NEK6: variants seen among roughly 807,000 people sequenced by gnomAD.
The protein encoded by NEK6 is NIMA related kinase 6.
A neutral mutation model predicts 43.5 loss-of-function variants in NEK6; 27 were observed. The observed-to-expected ratio is 0.62, with a 90% CI of 0.46 to 0.86. The LOEUF is 0.86. NEK6 is among the 40% of genes least tolerant of loss of function. NEK6 has a pLI of 0.00. For missense variants in NEK6, 318 were observed against 414.4 expected, an observed-to-expected ratio of 0.77 and a Z score of 2.02; for synonymous variants, 167 against 164.1, an observed-to-expected ratio of 1.02 and a Z score of -0.14.
At chr9:124,317,069 C>T (rs1322104676) in intron 4 of NEK6, among the ~76,000 whole-genome samples, 3 of 152,168 alleles carry the variant, frequency 2.0e-5, no homozygotes, top group Admixed American at 1.3e-4. Context: ...TTGCCCACGC[C>T]GTAGGTCATG....
intron 1 of NEK6, among the ~76,000 whole-genome samples, chr9:124,281,044 G>A (rs993185682): frequency 3.3e-5 from 5 of 152,178 alleles, no homozygotes; most frequent in African/African-American, 1.2e-4. Flanking sequence ...ACCCACCTCA[G>A]CCTCACAAAG....
intron 8 of NEK6, among the ~76,000 whole-genome samples, chr9:124,341,078 T>G (rs746402239): frequency 6.6e-6 from 1 of 152,178 alleles, no homozygotes; most frequent in Non-Finnish European, 1.5e-5. Context: ...GTCTCACTCT[T>G]GTCGCCCGGG....
chr9:124,340,476 A>T (rs1829542802), intron 8 of NEK6, among the ~76,000 whole-genome samples: 1 of 152,110 alleles, frequency 6.6e-6, no homozygotes, highest in Non-Finnish European at 1.5e-5. Flanking sequence ...GATTCCATCC[A>T]CCTGGCTGAG....
At chr9:124,322,462 T>C (rs1834116078) in intron 5 of NEK6, among the ~76,000 whole-genome samples, 2 of 152,078 alleles carry the variant, frequency 1.3e-5, no homozygotes, top group African/African-American at 2.4e-5. Flanking sequence ...CGCTCATGCG[T>C]CCCTCACTGA....
intron 1 of NEK6, among the ~76,000 whole-genome samples, chr9:124,272,252 C>G (rs1421694693): frequency 2.0e-5 from 3 of 152,244 alleles, no homozygotes; most frequent in Admixed American, 1.3e-4. Flanking sequence ...GCTGCCCTCC[C>G]TAAGGAATTC....
At chr9:124,340,591 T>C (rs920862637) in intron 8 of NEK6, among the ~76,000 whole-genome samples, 1 of 152,238 alleles carries the variant, frequency 6.6e-6, no homozygotes, top group African/African-American at 2.4e-5. Flanking sequence ...CCCAGGCTGT[T>C]AGACACCAAG....
At position 124,324,279 on chromosome 9, in the gene NEK6, G is replaced by A; in HGVS notation, c.406-2051G>A. On this transcript the variant is annotated intron_variant, in intron 5 of 9. Transcript: ENST00000320246. The surrounding 1 kb of genome is among the most constrained non-coding windows in gnomAD (Gnocchi z 5.3). ...GTTCCCCTGGTTCTGCCTGCTCTCA[G>A]GCCACCTCTGGGTTTCCAGAGGAAC... is the stretch of plus-strand genomic sequence containing the variant. 6.6e-6 allele frequency among the ~76,000 whole-genome samples: 1 copy of A among 152,192 alleles called. No homozygotes were observed. Among genetic ancestry groups the A allele is most frequent in the East Asian group, 1.9e-4 (1 of 5,190 alleles).
chr9:124,321,917 C>A (rs1475360034), intron 5 of NEK6, among the ~76,000 whole-genome samples: 1 of 152,238 alleles, frequency 6.6e-6, no homozygotes, highest in Non-Finnish European at 1.5e-5. Flanking sequence ...TCTGGCCACC[C>A]CCAGTGCCCC....
chr9:124,261,734 A>T (rs117797298), intron 1 of NEK6, among the ~76,000 whole-genome samples: 3 of 152,314 alleles, frequency 2.0e-5, no homozygotes, highest in Non-Finnish European at 4.4e-5. Context: ...CCCCCCTGCC[A>T]GTGTCCTTCG....
intron 1 of NEK6, among the ~76,000 whole-genome samples, chr9:124,283,643 G>A (rs1246352292): frequency 6.6e-6 from 1 of 152,162 alleles, no homozygotes; most frequent in East Asian, 1.9e-4. Context: ...CCTACTTCCT[G>A]AACCTCCCCT....
chr9:124,282,713 G>A (rs1339192714), intron 1 of NEK6, among the ~76,000 whole-genome samples: 2 of 152,204 alleles, frequency 1.3e-5, no homozygotes, highest in African/African-American at 4.8e-5. Context: ...TCATTCCTAC[G>A]CTTTCATACA....
At chr9:124,345,267 C>T (rs1452664034) in intron 8 of NEK6, among the ~76,000 whole-genome samples, 3 of 152,220 alleles carry the variant, frequency 2.0e-5, no homozygotes, top group Non-Finnish European at 4.4e-5. Context: ...AAGGAGATCT[C>T]GCCGTCCAGG....
chr9:124,291,681 G>T (rs1832427232), intron 1 of NEK6, among the ~76,000 whole-genome samples: 1 of 152,198 alleles, frequency 6.6e-6, no homozygotes, highest in South Asian at 2.1e-4. Context: ...TCAGCATTTT[G>T]CTGGGCCCCA....
At chr9:124,259,484 GC>G (rs1830942157) in intron 1 of NEK6, 1 of 152,078 alleles carries the variant, frequency 6.6e-6, no homozygotes, top group Non-Finnish European at 1.5e-5. Flanking sequence ...TCTTCTTTTA[GC>G]AAACAAAACC....
At chr9:124,278,018 C>G (rs1404758393) in intron 1 of NEK6, among the ~76,000 whole-genome samples, 2 of 152,240 alleles carry the variant, frequency 1.3e-5, no homozygotes. Context: ...TATAAGGACA[C>G]TTTGGTCAAC....
At chr9:124,257,653 T>G (rs1454219159), upstream of NEK6, 16 of 1,521,364 alleles carry the variant, frequency 1.1e-5, no homozygotes, top group Non-Finnish European at 1.3e-5. Context: ...AGTCCAAGGG[T>G]TGGCTGACTG....
chr9:124,342,906 G>A (rs946823487), intron 8 of NEK6, among the ~76,000 whole-genome samples: 1 of 152,210 alleles, frequency 6.6e-6, no homozygotes, highest in East Asian at 1.9e-4. Context: ...GGGGCCGGGA[G>A]GCCAGCAGCT....
intron 1 of NEK6, among the ~76,000 whole-genome samples, chr9:124,278,376 G>C (rs1831735359): frequency 6.6e-6 from 1 of 150,382 alleles, no homozygotes; most frequent in African/African-American, 2.4e-5. Context: ...CATGGGCTGG[G>C]TTTGTAGGTT....
intron 2 of NEK6, among the ~76,000 whole-genome samples, chr9:124,304,174 A>T (rs937725863): frequency 6.6e-6 from 1 of 152,234 alleles, no homozygotes. Context: ...CCAGGTTGGG[A>T]TGGGAAAGGG....
Sources: allele counts gnomAD v4.1 joint callset (sites outside exome capture counted in the v4.1 genomes callset), GRCh38; gene constraint gnomAD v4.1.1; non-coding constraint Gnocchi (gnomAD v3.1); transcripts MANE v1.5; gene names NCBI Gene and HGNC (gene_info 2026-07-23, HGNC 2026-07-21).